The following ESR1 variants were observed in gnomAD, a reference collection of about 807,000 sequenced individuals.
ESR1 encodes the protein estrogen receptor.
In ESR1, 12 loss-of-function variants were observed where a neutral mutation model predicts 52.7. That is an observed-to-expected ratio of 0.23 (90% CI 0.15 to 0.37). ESR1 has a LOEUF of 0.37. Ranked by LOEUF, ESR1 falls within the 10% of genes least tolerant of loss-of-function variation. The pLI is 1.00. For synonymous variants in ESR1, 305 were observed against 316.8 expected (o/e 0.96, Z 0.39); for missense variants, 584 against 779.7 (o/e 0.75, Z 2.99).
At chr6:151,765,923 G>A (rs939977876) in intron 2 of ESR1, among the ~76,000 whole-genome samples, 5 of 152,204 alleles carry the variant, frequency 3.3e-5, no homozygotes, top group African/African-American at 1.2e-4. Flanking sequence ...ATGCACATCC[G>A]TGTTTTGGAC....
At chr6:151,751,523 A>T (rs1196340941) in intron 2 of ESR1, among the ~76,000 whole-genome samples, 1 of 152,200 alleles carries the variant, frequency 6.6e-6, no homozygotes, top group Non-Finnish European at 1.5e-5. Flanking sequence ...CAGACTTTGA[A>T]TGGTTTATGA....
intron 4 of ESR1, among the ~76,000 whole-genome samples, chr6:152,010,335 TTCA>T (rs1261322636): frequency 6.6e-6 from 1 of 152,138 alleles, no homozygotes; most frequent in Non-Finnish European, 1.5e-5. Flanking sequence ...TTTTGTCTTT[TTCA>T]TCAACACAAG....
intron 2 of ESR1, among the ~76,000 whole-genome samples, chr6:151,742,331 A>G (rs1783159053): frequency 6.6e-6 from 1 of 151,758 alleles, no homozygotes; most frequent in East Asian, 1.9e-4. Flanking sequence ...AGAAAATTTC[A>G]TACTGTTTTC....
intron 2 of ESR1, among the ~76,000 whole-genome samples, chr6:151,790,357 C>G (rs1305259553): frequency 6.6e-6 from 1 of 152,184 alleles, no homozygotes; most frequent in African/African-American, 2.4e-5. Flanking sequence ...TCAGGTGTCA[C>G]CACGTCCACC....
At chr6:151,795,999 A>T (rs1427076424) in intron 2 of ESR1, among the ~76,000 whole-genome samples, 1 of 151,610 alleles carries the variant, frequency 6.6e-6, no homozygotes, top group Non-Finnish European at 1.5e-5. Flanking sequence ...ATACCAAAAA[A>T]AAAAAACCAA....
intron 3 of ESR1, among the ~76,000 whole-genome samples, chr6:151,885,640 G>A (rs189629226): frequency 4.6e-5 from 7 of 152,258 alleles, no homozygotes; most frequent in South Asian, 2.1e-4. Flanking sequence ...TGAGGTGGGC[G>A]GATCACCTGA....
At chr6:151,981,661 G>T (rs1237232243) in intron 4 of ESR1, among the ~76,000 whole-genome samples, 2 of 152,124 alleles carry the variant, frequency 1.3e-5, no homozygotes, top group African/African-American at 4.8e-5. Context: ...ACTCTGTTTT[G>T]AAATTAAACC....
At chr6:152,114,674 G>C (rs367723844) in intron 6 of ESR1, among the ~76,000 whole-genome samples, 3 of 151,600 alleles carry the variant, frequency 2.0e-5, no homozygotes, top group African/African-American at 7.3e-5. Flanking sequence ...GGCGGATCAC[G>C]AGGTCAGGAG....
At chr6:152,064,319 ATG>A (rs1247458944) in intron 6 of ESR1, among the ~76,000 whole-genome samples, 2 of 152,356 alleles carry the variant, frequency 1.3e-5, no homozygotes, top group East Asian at 3.9e-4. Flanking sequence ...AAAGGGGGCC[ATG>A]GTGGAGACTC....
chr6:151,850,056 A>ACAAAAT (rs1274801553), intron 2 of ESR1, among the ~76,000 whole-genome samples: 2 of 122,892 alleles, frequency 1.6e-5, no homozygotes, highest in Admixed American at 9.4e-5. Flanking sequence ...TTATATATAT[A>ACAAAAT]TAATTTTATA....
chr6:151,974,187 AAT>A (rs1211251939), intron 4 of ESR1, among the ~76,000 whole-genome samples: 2 of 152,212 alleles, frequency 1.3e-5, no homozygotes, highest in Admixed American at 1.3e-4. Context: ...ATTTTTCTAA[AAT>A]GTACTGAACA....
chr6:151,717,253 C>G (rs1019738849), intron 2 of ESR1, among the ~76,000 whole-genome samples: 3 of 152,224 alleles, frequency 2.0e-5, no homozygotes, highest in Non-Finnish European at 4.4e-5. Flanking sequence ...AATCACCTGT[C>G]TTCTGCGTTA....
intron 1 of ESR1, among the ~76,000 whole-genome samples, chr6:151,824,802 T>C (rs1781195232): frequency 6.6e-6 from 1 of 151,996 alleles, no homozygotes; most frequent in Admixed American, 6.6e-5. Context: ...ACGCCTGCAG[T>C]CCCAGCTGCT....
rs1789137753 is a variant in ESR1, at chr6:151,862,863, C to T, written c.644-17792C>T. 2.0e-5 allele frequency among the ~76,000 whole-genome samples: 3 copies of T among 151,922 alleles called. No homozygotes were observed. In the South Asian group the frequency reaches 6.2e-4, roughly 32 times the overall value. On this transcript the variant is annotated intron_variant, in intron 2 of 7. Coordinates refer to ENST00000206249, the MANE Select transcript of ESR1 (RefSeq NM_000125.4). ...AAATAACCACAGGATGGGATGGTAGCAGAACGAGAAAAGAAAAGAAGATTG... is the reference window on the plus strand; with the variant it reads ...AAATAACCACAGGATGGGATGGTAGTAGAACGAGAAAAGAAAAGAAGATTG...
rs368828996 is a variant in ESR1, at chr6:151,787,328, C to CT, written c.-70-20508dup. Among the ~76,000 whole-genome samples the CT allele has an allele frequency of 2.7e-3, 408 of 152,014 alleles. 1 individual carries two copies. Among genetic ancestry groups the CT allele is most frequent in the African/African-American group, 9.3e-3 (386 of 41,456 alleles). On this transcript the variant is annotated intron_variant, in intron 2 of 2. Coordinates refer to the ESR1 transcript ENST00000404742. The stretch of plus-strand genomic sequence containing the variant: ...TTAGATTGTCTTGGCTATTTGGGAT[C>CT]TTTTTTTGGTTCCATATGAATTTTA...
chr6:151,840,087 A>G (rs1429595812), intron 1 of ESR1, among the ~76,000 whole-genome samples: 1 of 152,240 alleles, frequency 6.6e-6, no homozygotes, highest in Non-Finnish European at 1.5e-5. Flanking sequence ...TTCATTCAAC[A>G]AACATGTATT....
chr6:151,838,423 G>T (rs1278017116), intron 1 of ESR1, among the ~76,000 whole-genome samples: 1 of 152,152 alleles, frequency 6.6e-6, no homozygotes, highest in African/African-American at 2.4e-5. Context: ...AGCCCAGATT[G>T]GTGCCTGACC....
chr6:152,014,686 C>G, intron 5 of ESR1, among the ~76,000 whole-genome samples: 1 of 152,070 alleles, frequency 6.6e-6, no homozygotes, highest in Non-Finnish European at 1.5e-5. Flanking sequence ...CCCTCTATCC[C>G]CATTCCTCTG....
intron 2 of ESR1, among the ~76,000 whole-genome samples, chr6:151,717,953 G>T (rs1234699869): frequency 6.6e-6 from 1 of 152,110 alleles, no homozygotes; most frequent in Non-Finnish European, 1.5e-5. Context: ...GTGTGGAGGA[G>T]CTCTTTGTTG....
Sources: allele counts gnomAD v4.1 joint callset (sites outside exome capture counted in the v4.1 genomes callset), GRCh38; gene constraint gnomAD v4.1.1; transcripts MANE v1.5; gene names NCBI Gene and HGNC (gene_info 2026-07-23, HGNC 2026-07-21).